The following VGLL1 variants were observed in gnomAD, a reference collection of about 807,000 sequenced individuals.
VGLL1 encodes the protein transcription cofactor vestigial-like protein 1.
A neutral mutation model predicts 12.0 loss-of-function variants in VGLL1; 4 were observed. The ratio of observed to expected loss-of-function variants is 0.33; its 90% CI spans 0.16 to 0.76. The LOEUF (loss-of-function observed/expected upper bound fraction) is 0.76. Among genes scored for constraint, VGLL1 ranks in the 30% least tolerant of loss-of-function variants. The pLI is 0.60. For synonymous variants in VGLL1, 87 were observed against 81.2 expected (o/e 1.07, Z -0.39); for missense variants, 204 against 208.7 (o/e 0.98, Z 0.14).
intron 2 of VGLL1, among the ~76,000 whole-genome samples, chrX:136,540,468 A>C (rs2075852835): frequency 9.0e-6 from 1 of 111,307 alleles, no homozygotes; most frequent in Admixed American, 9.5e-5. Flanking sequence ...TCTCCATTCA[A>C]GTCTCCACCT....
At position 136,548,806 on chromosome X, in the gene VGLL1, T is replaced by C; in HGVS notation, c.432T>C (p.Pro144=). ...TGGCGGGCACCAGCTCCTTAGAGCC[T>C]GGCTACTCTCATCCCTTCCCCGCTC... The part of the protein sequence containing the change: ...SSLAGTSSLE[P]GYSHPFPARH... Residue 144 remains proline (P), a synonymous_variant, in exon 3 of 5, where the codon CCT becomes CCC. Coordinates refer to ENST00000370634, the MANE Select transcript of VGLL1 (RefSeq NM_016267.4). 1 of 1,212,272 alleles carries C rather than the reference T, an allele frequency of 8.2e-7. No individual in the cohort carries two copies. The highest frequency in any genetic ancestry group is 1.8e-5 in the South Asian group (1 of 57,020).
chrX:136,532,444 C>T (rs1036656211), intron 1 of VGLL1, 148 bp downstream of exon 1: 3 of 111,692 alleles, frequency 2.7e-5, no homozygotes, highest in African/African-American at 6.5e-5. Context: ...GACAAACTAA[C>T]CCCTCTGACT....
chrX:136,539,608 A>C (rs1055015944), intron 2 of VGLL1, among the ~76,000 whole-genome samples: 3 of 111,454 alleles, frequency 2.7e-5, no homozygotes, highest in African/African-American at 9.8e-5. Flanking sequence ...CTCCTTTGCT[A>C]TATGTCCTTC....
intron 2 of VGLL1, among the ~76,000 whole-genome samples, chrX:136,544,787 C>T (rs1384518285): frequency 2.7e-5 from 3 of 112,222 alleles, no homozygotes; most frequent in Non-Finnish European, 5.6e-5. Flanking sequence ...TCTTTTATAA[C>T]CAGTATCTAC....
chrX:136,549,125 T>C, intron 3 of VGLL1, 117 bp downstream of exon 3: 1 of 744,003 alleles, frequency 1.3e-6, no homozygotes, highest in Non-Finnish European at 1.9e-6. Context: ...ATAGGGCTGC[T>C]GAGGGAAGGG....
chrX:136,550,735 C>T, intron 3 of VGLL1, 33 bp from the exon 4 acceptor site: 5 of 1,174,377 alleles, frequency 4.3e-6, no homozygotes, highest in Non-Finnish European at 4.6e-6. Context: ...CTAGAAATTT[C>T]AGTTCCAATA....
chrX:136,532,755 C>A (rs2075829420), intron 1 of VGLL1, among the ~76,000 whole-genome samples: 1 of 95,364 alleles, frequency 1.0e-5, no homozygotes, highest in African/African-American at 3.9e-5. Context: ...CACTTTCTGT[C>A]TTTGTATCTT....
intron 2 of VGLL1, among the ~76,000 whole-genome samples, chrX:136,546,936 C>T (rs148097751): frequency 0.013 from 1,484 of 113,190 alleles, 23 homozygotes; most frequent in African/African-American, 0.044. Flanking sequence ...TCCCCCATCA[C>T]TCACTGTGAA....
At chrX:136,537,867 GTATTATTATCAC>G (rs1434887040) in intron 2 of VGLL1, among the ~76,000 whole-genome samples, 1 of 110,290 alleles carries the variant, frequency 9.1e-6, no homozygotes, top group Non-Finnish European at 1.9e-5. Flanking sequence ...CACCCAGCTA[GTATTATTATCAC>G]TATTATTATT....
At chrX:136,554,340 A>G (rs1193850211) in intron 4 of VGLL1, among the ~76,000 whole-genome samples, 1 of 108,952 alleles carries the variant, frequency 9.2e-6, no homozygotes, top group Admixed American at 9.8e-5. Context: ...GGTGGAGGAA[A>G]TTGTCCCTGC....
intron 2 of VGLL1, among the ~76,000 whole-genome samples, chrX:136,544,446 C>T (rs1297502239): frequency 8.9e-6 from 1 of 112,351 alleles, no homozygotes; most frequent in Non-Finnish European, 1.9e-5. Flanking sequence ...ACCCAAGGAG[C>T]ATGTAAAAGT....
At chrX:136,555,907 C>T (rs938851701) in intron 4 of VGLL1, among the ~76,000 whole-genome samples, 2 of 110,975 alleles carry the variant, frequency 1.8e-5, no homozygotes, top group African/African-American at 3.3e-5. Context: ...GTGCAATTTT[C>T]ATCAGTGATG....
intron 1 of VGLL1, among the ~76,000 whole-genome samples, chrX:136,532,579 T>C (rs2075825703): frequency 1.0e-4 from 1 of 9,623 alleles, no homozygotes; most frequent in Non-Finnish European, 2.0e-4. Context: ...AAATATTTCT[T>C]TCTTTCTTTC....
At chrX:136,535,441 A>T (rs1387958870) in intron 1 of VGLL1, among the ~76,000 whole-genome samples, 1 of 111,990 alleles carries the variant, frequency 8.9e-6, no homozygotes, top group East Asian at 2.8e-4. Flanking sequence ...GGATGCGGGT[A>T]GGTGTAGGAC....
intron 2 of VGLL1, among the ~76,000 whole-genome samples, chrX:136,541,657 G>A (rs998035956): frequency 5.4e-5 from 6 of 111,845 alleles, no homozygotes; most frequent in African/African-American, 1.6e-4. Flanking sequence ...GCACCAGGCC[G>A]TCCAGCCCAG....
intron 2 of VGLL1, among the ~76,000 whole-genome samples, chrX:136,537,038 A>G (rs769282560): frequency 1.7e-4 from 19 of 112,296 alleles, no homozygotes; most frequent in Admixed American, 1.6e-3. Context: ...CATAAATGGA[A>G]AGTTCCCAGT....
intron 2 of VGLL1, among the ~76,000 whole-genome samples, chrX:136,541,296 C>T (rs771465669): frequency 1.9e-4 from 21 of 112,445 alleles, no homozygotes; most frequent in Non-Finnish European, 3.9e-4. Context: ...CTTGGTTCTC[C>T]ATCTTCCTTC....
chrX:136,548,495 A>T, intron 2 of VGLL1, 94 bp from the exon 3 acceptor site: 2 of 907,496 alleles, frequency 2.2e-6, no homozygotes, highest in South Asian at 2.4e-5. Flanking sequence ...ATTTCCTTCA[A>T]GTTAAAAAAA....
rs55969051 is a variant in VGLL1, at chrX:136,556,669, C to A, written c.*130C>A. The A allele has an allele frequency of 2.2e-5, 12 of 542,621 alleles. No homozygotes were observed. Among genetic ancestry groups the A allele is most frequent in the Non-Finnish European group, 3.3e-5 (11 of 331,722 alleles). The allele number at this position is 542,621 out of a possible 1,213,427, so 44.7% of individuals were successfully genotyped here. Reference sequence around the variant, plus strand: ...CCCAATCTGTTAAACAGCTTCGTGTCTAGTATGAGCTCAGTACTTGCCCTG... The same window carrying A: ...CCCAATCTGTTAAACAGCTTCGTGTATAGTATGAGCTCAGTACTTGCCCTG... On this transcript the variant is annotated 3_prime_UTR_variant, in exon 5 of 5. Coordinates refer to ENST00000370634, the MANE Select transcript of VGLL1 (RefSeq NM_016267.4).
Sources: allele counts gnomAD v4.1 joint callset (sites outside exome capture counted in the v4.1 genomes callset), GRCh38; gene constraint gnomAD v4.1.1; transcripts MANE v1.5; gene names NCBI Gene and HGNC (gene_info 2026-07-23, HGNC 2026-07-21).